MAPKAPK2: variants seen among roughly 807,000 people sequenced by gnomAD.
The protein encoded by MAPKAPK2 is MAPK activated protein kinase 2.
A neutral mutation model predicts 48.8 loss-of-function variants in MAPKAPK2; 9 were observed. The ratio of observed to expected loss-of-function variants is 0.18; its 90% CI spans 0.11 to 0.32. The LOEUF (loss-of-function observed/expected upper bound fraction) is 0.32, where lower values mean the gene tolerates loss of function less well. MAPKAPK2 is among the 10% of genes least tolerant of loss of function. The pLI is 1.00. For missense variants in MAPKAPK2, 331 were observed against 498.3 expected (o/e 0.66, Z 3.20); for synonymous variants, 202 against 190.6 (o/e 1.06, Z -0.49).
intron 1 of MAPKAPK2, among the ~76,000 whole-genome samples, chr1:206,722,008 T>C (rs544663202): frequency 6.7e-6 from 1 of 148,772 alleles, no homozygotes; most frequent in South Asian, 2.1e-4. Flanking sequence ...GAGGTTGCGG[T>C]GAGCCGAGAT....
chr1:206,728,374 C>T (rs1673777772), intron 1 of MAPKAPK2, among the ~76,000 whole-genome samples: 1 of 152,148 alleles, frequency 6.6e-6, no homozygotes, highest in African/African-American at 2.4e-5. Flanking sequence ...CTCCCCGAAG[C>T]CCCTTCACCC....
chr1:206,729,232 C>G, intron 3 of MAPKAPK2, 133 bp downstream of exon 3: 2 of 1,147,540 alleles, frequency 1.7e-6, no homozygotes, highest in South Asian at 2.5e-5. Flanking sequence ...CAAGGGGTGC[C>G]TCAGCTGACC....
chr1:206,695,859 C>T (rs547449009), intron 1 of MAPKAPK2: 10 of 527,250 alleles, frequency 1.9e-5, no homozygotes, highest in South Asian at 8.1e-5. Context: ...CCCCTTCCTG[C>T]GGGTGCTGTC....
chr1:206,705,262 C>T (rs1177499928), intron 1 of MAPKAPK2, among the ~76,000 whole-genome samples: 3 of 152,232 alleles, frequency 2.0e-5, no homozygotes, highest in East Asian at 3.9e-4. Context: ...AGAGGAGGGG[C>T]CCCGGCAGGT....
At position 206,730,774 on chromosome 1, in the gene MAPKAPK2, TGGGGAGGGGGCTGGGTG is replaced by T; in HGVS notation, c.767+15_767+31del. 1 of 557,592 alleles carries T rather than the reference TGGGGAGGGGGCTGGGTG, an allele frequency of 1.8e-6. No homozygotes were observed. Among genetic ancestry groups the T allele is most frequent in the Non-Finnish European group, 3.3e-6 (1 of 302,944 alleles). 34.5% of individuals were successfully genotyped at this position (557,592 alleles called of 1,614,324 possible). ...CATCATGTACATCCTGTGAGTGTGC[TGGGGAGGGGGCTGGGTG>T]GGGCAGGGAGTCAGGGCGGCCTGTA... On this transcript the variant is annotated intron_variant, in intron 6 of 9. Coordinates refer to ENST00000367103, the MANE Select transcript of MAPKAPK2 (RefSeq NM_032960.4).
intron 1 of MAPKAPK2, among the ~76,000 whole-genome samples, chr1:206,688,647 A>T (rs1460555152): frequency 6.6e-6 from 1 of 151,632 alleles, no homozygotes; most frequent in African/African-American, 2.4e-5. Context: ...TTTTATTTTT[A>T]TTTTTTTTGA....
intron 1 of MAPKAPK2, among the ~76,000 whole-genome samples, chr1:206,687,326 A>T (rs1228761854): frequency 6.6e-6 from 1 of 152,212 alleles, no homozygotes; most frequent in African/African-American, 2.4e-5. Context: ...AACGAGAGAG[A>T]GGTTTACATA....
At chr1:206,723,747 G>T (rs1433474955) in intron 1 of MAPKAPK2, among the ~76,000 whole-genome samples, 2 of 152,254 alleles carry the variant, frequency 1.3e-5, no homozygotes, top group Non-Finnish European at 2.9e-5. Context: ...TGAATAGGGG[G>T]AGGGGTCCTG....
At chr1:206,720,784 A>G (rs1673490835) in intron 1 of MAPKAPK2, among the ~76,000 whole-genome samples, 1 of 152,214 alleles carries the variant, frequency 6.6e-6, no homozygotes, top group Non-Finnish European at 1.5e-5. Context: ...AAATTTAAAG[A>G]AAGTACACAT....
intron 1 of MAPKAPK2, among the ~76,000 whole-genome samples, chr1:206,724,984 ATG>A (rs367773184): frequency 0.11 from 16,018 of 152,284 alleles, 1,158 homozygotes; most frequent in Middle Eastern, 0.16. Flanking sequence ...AATTTTACAG[ATG>A]AGGAAACCCT....
chr1:206,710,688 C>T (rs1553429313), intron 1 of MAPKAPK2, among the ~76,000 whole-genome samples: 1 of 152,168 alleles, frequency 6.6e-6, no homozygotes, highest in African/African-American at 2.4e-5. Context: ...AAGGAAACTT[C>T]ACATTAAAGG....
At position 206,731,059 on chromosome 1, in the gene MAPKAPK2, GT is replaced by G; in HGVS notation, c.768-76del. The G allele has an allele frequency of 6.4e-7, 1 of 1,569,872 alleles. No individual in the cohort carries two copies. The highest frequency in any genetic ancestry group is 1.7e-5 in the Admixed American group (1 of 59,868). On this transcript the variant is annotated intron_variant, in intron 6 of 9. Transcript: ENST00000367103. This position sits in a 1 kb window ranked among gnomAD's most constrained non-coding sequence, Gnocchi z 5.9. ...GTGACCTTTACAAGGAGAAGAGCCT[GT>G]TTCTCATCCTGTTCCTGGTACAGGG... is the stretch of plus-strand genomic sequence containing the variant.
chr1:206,714,975 C>T (rs988795160), intron 1 of MAPKAPK2, among the ~76,000 whole-genome samples: 4 of 151,996 alleles, frequency 2.6e-5, no homozygotes, highest in Non-Finnish European at 4.4e-5. Context: ...AGATCTTTGC[C>T]ACCTCCTCTC....
chr1:206,693,012 GA>G (rs1553426510), intron 1 of MAPKAPK2, among the ~76,000 whole-genome samples: 1 of 152,212 alleles, frequency 6.6e-6, no homozygotes, highest in Non-Finnish European at 1.5e-5. Context: ...GGGAGGGGCT[GA>G]ACAGGAGATC....
chr1:206,713,785 G>GA (rs1673233308), intron 1 of MAPKAPK2, among the ~76,000 whole-genome samples: 1 of 152,166 alleles, frequency 6.6e-6, no homozygotes, highest in South Asian at 2.1e-4. Context: ...AGAATTGCTT[G>GA]AACCCAAGAG....
intron 3 of MAPKAPK2, 27 bp downstream of exon 3, chr1:206,729,126 G>A (rs45514798): frequency 0.18 from 285,129 of 1,611,182 alleles, 28,886 homozygotes; most frequent in Non-Finnish European, 0.21. Context: ...GTGGGAGCAC[G>A]TGCAGGCAGG....
chr1:206,696,902 G>A (rs1282975546), intron 1 of MAPKAPK2, among the ~76,000 whole-genome samples: 4 of 152,176 alleles, frequency 2.6e-5, no homozygotes, highest in Non-Finnish European at 4.4e-5. Flanking sequence ...AGACTGAGCT[G>A]GGGTAGAGTG....
In MAPKAPK2 at chr1:206,725,225, A is replaced by C. The variant is rs147453312; in HGVS notation, c.280-3485A>C. On this transcript the variant is annotated intron_variant, in intron 1 of 9. Coordinates refer to ENST00000367103, the MANE Select transcript of MAPKAPK2 (RefSeq NM_032960.4). ...ACGTGTTCAGGGCAGAAAGTGCGGAAGTTGCAGTGAGCGCTTGGAATTCAG... is the reference window on the plus strand; with the variant it reads ...ACGTGTTCAGGGCAGAAAGTGCGGACGTTGCAGTGAGCGCTTGGAATTCAG... Among the ~76,000 whole-genome samples the C allele has an allele frequency of 5.6e-3, 848 of 152,326 alleles. 3 individuals carry two copies. Among genetic ancestry groups the C allele is most frequent in the Non-Finnish European group, 8.6e-3 (582 of 68,034 alleles).
chr1:206,685,917 C>T (rs928522079), intron 1 of MAPKAPK2, among the ~76,000 whole-genome samples: 24 of 152,300 alleles, frequency 1.6e-4, no homozygotes, highest in Admixed American at 7.2e-4. Context: ...ACAAAAGGCC[C>T]ATTACTCATT....
Sources: gnomAD v4.1 joint callset for allele counts (sites outside exome capture counted in the v4.1 genomes callset) on GRCh38, gnomAD v4.1.1 for gene constraint, Gnocchi (gnomAD v3.1) non-coding constraint, MANE v1.5 for transcripts, NCBI Gene and HGNC (gene_info 2026-07-23, HGNC 2026-07-21) for gene names.